The following NDST4 variants were observed in gnomAD, a reference collection of about 807,000 sequenced individuals.
NDST4 encodes the protein N-heparan sulfate sulfotransferase 4.
NDST4 carries 63 observed loss-of-function variants against 100.8 expected under a neutral mutation model. The observed-to-expected ratio is 0.62, with a 90% CI of 0.51 to 0.77. NDST4 has a LOEUF of 0.77. Ranked by LOEUF, NDST4 falls within the 30% of genes least tolerant of loss-of-function variation. NDST4 has a pLI of 0.00. For missense variants in NDST4, 943 were observed against 1,018.4 expected (o/e 0.93, Z 1.01); for synonymous variants, 377 against 361.8 (o/e 1.04, Z -0.48).
rs367931653 is a variant in NDST4 at position 114,933,432 on chromosome 4, CTTT to C, written c.1536+1771_1536+1773del. Among the ~76,000 whole-genome samples the C allele has an allele frequency of 3.1e-3, 280 of 89,248 alleles. 1 individual carries two copies. Among genetic ancestry groups the C allele is most frequent in the Non-Finnish European group, 4.6e-3 (220 of 47,412 alleles). The allele number at this position is 89,248 out of a possible 152,430, so 58.6% of individuals were successfully genotyped here. On this transcript the variant is annotated intron_variant, in intron 6 of 13. Transcript: ENST00000264363. ...GACTGGGAATTGATTTTTTCTTTTC[CTTT>C]TTTTTTTTTTTTTTTTTTTGTGTGT...
At chr4:114,846,103 G>T in intron 9 of NDST4, 106 bp from the exon 10 acceptor site, 2 of 854,422 alleles carry the variant, frequency 2.3e-6, no homozygotes, top group Non-Finnish European at 3.5e-6. Context: ...AGCTATTTCT[G>T]ATTATTATGC....
intron 7 of NDST4, among the ~76,000 whole-genome samples, chr4:114,867,000 T>C (rs1349694466): frequency 6.6e-6 from 1 of 152,180 alleles, no homozygotes; most frequent in Non-Finnish European, 1.5e-5. Flanking sequence ...ACCACCATCT[T>C]GTGGTTGAAA....
intron 6 of NDST4, among the ~76,000 whole-genome samples, chr4:114,891,326 C>A (rs1393754671): frequency 2.0e-5 from 3 of 151,940 alleles, no homozygotes; most frequent in African/African-American, 7.2e-5. Flanking sequence ...TCACAACTAC[C>A]TTCAAGGCTA....
chr4:115,096,778 T>C (rs553513713), intron 1 of NDST4, among the ~76,000 whole-genome samples: 3 of 152,276 alleles, frequency 2.0e-5, no homozygotes, highest in Non-Finnish European at 2.9e-5. Flanking sequence ...TCTATCGCTA[T>C]ATTTTGTTCC....
At chr4:114,849,191 G>A (rs1265112823) in intron 8 of NDST4, among the ~76,000 whole-genome samples, 1 of 152,208 alleles carries the variant, frequency 6.6e-6, no homozygotes, top group Admixed American at 6.5e-5. Flanking sequence ...GGTCTCAAAT[G>A]TAATCTCTGA....
chr4:115,052,012 T>A (rs1046981110), intron 2 of NDST4, among the ~76,000 whole-genome samples: 3 of 152,150 alleles, frequency 2.0e-5, no homozygotes, highest in African/African-American at 7.2e-5. Context: ...TAATTTTGAT[T>A]TGCATTTCTC....
chr4:114,959,180 A>C (rs1056028938), intron 4 of NDST4, among the ~76,000 whole-genome samples: 2 of 152,120 alleles, frequency 1.3e-5, no homozygotes, highest in African/African-American at 4.8e-5. Flanking sequence ...GCCATTCAAC[A>C]AGTCTCTAGG....
At chr4:115,005,196 A>G (rs1045746533) in intron 2 of NDST4, among the ~76,000 whole-genome samples, 1 of 152,138 alleles carries the variant, frequency 6.6e-6, no homozygotes, top group African/African-American at 2.4e-5. Flanking sequence ...GGCACTGGTG[A>G]TACAATAGAG....
intron 7 of NDST4, among the ~76,000 whole-genome samples, chr4:114,853,099 T>A (rs77016227): frequency 1.4e-3 from 206 of 152,286 alleles, no homozygotes; most frequent in African/African-American, 4.5e-3. Flanking sequence ...ATTTCTTGGT[T>A]TATGTTTTAT....
At chr4:114,976,411 C>T (rs545183621) in intron 3 of NDST4, among the ~76,000 whole-genome samples, 2 of 151,968 alleles carry the variant, frequency 1.3e-5, no homozygotes, top group Non-Finnish European at 2.9e-5. Context: ...CAAAGACAAT[C>T]AATTTTATTA....
At chr4:115,040,603 T>C (rs912327467) in intron 2 of NDST4, among the ~76,000 whole-genome samples, 2 of 151,950 alleles carry the variant, frequency 1.3e-5, no homozygotes, top group African/African-American at 4.8e-5. Flanking sequence ...AAGCTGGGAA[T>C]ATATTTTATA....
chr4:114,938,507 C>A (rs1447692020), intron 4 of NDST4, among the ~76,000 whole-genome samples: 3 of 152,096 alleles, frequency 2.0e-5, no homozygotes, highest in African/African-American at 7.2e-5. Context: ...TAAAAGACTC[C>A]TTGTAGGATT....
chr4:114,829,972 A>G, intron 12 of NDST4, 80 bp from the exon 13 acceptor site: 1 of 999,140 alleles, frequency 1.0e-6, no homozygotes. Flanking sequence ...AATAAAGGAA[A>G]TGTATTTTTG....
intron 2 of NDST4, among the ~76,000 whole-genome samples, chr4:115,041,906 A>G (rs1262681417): frequency 2.0e-5 from 3 of 152,120 alleles, no homozygotes; most frequent in Non-Finnish European, 4.4e-5. Context: ...TTCTTGTGGA[A>G]GGGCTTATTT....
intron 7 of NDST4, among the ~76,000 whole-genome samples, chr4:114,853,174 C>A (rs903954193): frequency 6.6e-6 from 1 of 152,094 alleles, no homozygotes; most frequent in Non-Finnish European, 1.5e-5. Flanking sequence ...ACTGTGTTCT[C>A]CCTAATCATT....
rs191263348 is a variant in NDST4 at position 114,872,129 on chromosome 4, G to A, written c.1537-1179C>T. ...CCAATGTTAATTTTATTGACACCTG[G>A]TTAGATACTAGCCATGCAATAAAGA... On this transcript the variant is annotated intron_variant, in intron 6 of 13. Transcript: ENST00000264363. Among the ~76,000 whole-genome samples the A allele has an allele frequency of 8.1e-3, 1,235 of 151,948 alleles. 89 individuals carry two copies. The South Asian group carries it at 0.17, about 21-fold the overall frequency.
intron 6 of NDST4, among the ~76,000 whole-genome samples, chr4:114,872,229 T>A (rs979460716): frequency 6.6e-6 from 1 of 151,994 alleles, no homozygotes; most frequent in African/African-American, 2.4e-5. Flanking sequence ...GGAGGCCTTT[T>A]ATCTTAAAAA....
chr4:114,944,054 T>C (rs897384162), intron 4 of NDST4, among the ~76,000 whole-genome samples: 2 of 152,146 alleles, frequency 1.3e-5, no homozygotes, highest in Admixed American at 6.5e-5. Context: ...CCAAATACTT[T>C]CCTAGGTCCC....
chr4:115,023,056 A>C (rs1727893979), intron 2 of NDST4, among the ~76,000 whole-genome samples: 1 of 152,174 alleles, frequency 6.6e-6, no homozygotes, highest in South Asian at 2.1e-4. Flanking sequence ...AAAGGCATAA[A>C]AATGACACAG....
Sources: gnomAD v4.1 joint callset for allele counts (sites outside exome capture counted in the v4.1 genomes callset) on GRCh38, gnomAD v4.1.1 for gene constraint, MANE v1.5 for transcripts, NCBI Gene and HGNC (gene_info 2026-07-23, HGNC 2026-07-21) for gene names.